The following TSHZ3 variants were observed in gnomAD, a reference collection of about 807,000 sequenced individuals.
TSHZ3 encodes teashirt zinc finger homeobox 3.
Under a neutral mutation model 64.5 loss-of-function variants are expected in TSHZ3, and 10 were observed. That is an observed-to-expected ratio of 0.16 (90% confidence interval 0.10 to 0.26). The LOEUF (loss-of-function observed/expected upper bound fraction) is 0.26. TSHZ3 is among the 10% of genes least tolerant of loss of function. TSHZ3 has a pLI of 1.00. For missense variants in TSHZ3, 1,242 were observed against 1,421.7 expected (o/e 0.87, Z 2.03); for synonymous variants, 608 against 593.1 (o/e 1.03, Z -0.36).
At chr19:31,274,004 A>G (rs1286573899), downstream of TSHZ3, among the ~76,000 whole-genome samples, 1 of 152,220 alleles carries the variant, frequency 6.6e-6, no homozygotes, top group Non-Finnish European at 1.5e-5. Flanking sequence ...GAAAGATGGA[A>G]TGCCGAGAGA....
intron 1 of TSHZ3, among the ~76,000 whole-genome samples, chr19:31,292,990 CAAAA>C (rs1976597851): frequency 6.7e-6 from 1 of 149,828 alleles, no homozygotes; most frequent in East Asian, 2.0e-4. Context: ...TCCATCCATT[CAAAA>C]ATTCATCCAT....
At chr19:31,163,386 G>C (rs925093122) in intron 5 of TSHZ3, among the ~76,000 whole-genome samples, 2 of 152,158 alleles carry the variant, frequency 1.3e-5, no homozygotes, top group African/African-American at 4.8e-5. Context: ...GGAGAATAGA[G>C]AGGCATGACA....
intron 1 of TSHZ3, among the ~76,000 whole-genome samples, chr19:31,307,421 T>C (rs188752852): frequency 3.3e-5 from 5 of 152,006 alleles, no homozygotes; most frequent in African/African-American, 2.4e-5. Flanking sequence ...TGTCAAGAAA[T>C]GCAGGAGTGA....
chr19:31,211,576 C>T (rs116216503), intron 4 of TSHZ3, among the ~76,000 whole-genome samples: 1 of 152,122 alleles, frequency 6.6e-6, no homozygotes, highest in Non-Finnish European at 1.5e-5. Context: ...AGCAAGGACA[C>T]AGAGGAAGGA....
intron 1 of TSHZ3, among the ~76,000 whole-genome samples, chr19:31,244,746 T>A (rs1427336990): frequency 6.6e-6 from 1 of 152,108 alleles, no homozygotes. Context: ...CGGGTTCAAG[T>A]GATGCTCCCA....
At chr19:31,299,764 G>C (rs1302673345) in intron 1 of TSHZ3, among the ~76,000 whole-genome samples, 1 of 152,146 alleles carries the variant, frequency 6.6e-6, no homozygotes, top group African/African-American at 2.4e-5. Context: ...AAATTACTTC[G>C]GGGGTCTCTC....
intron 1 of TSHZ3, 89 bp downstream of exon 1, chr19:31,349,091 G>A: frequency 6.8e-7 from 1 of 1,477,294 alleles, no homozygotes; most frequent in Admixed American, 2.1e-5. Flanking sequence ...AGAAGAGCGG[G>A]GCGAGGAGCG....
intron 5 of TSHZ3, among the ~76,000 whole-genome samples, chr19:31,183,958 C>A (rs1006841471): frequency 1.5e-4 from 23 of 152,122 alleles, no homozygotes; most frequent in African/African-American, 4.8e-4. Context: ...CAATGTGTCT[C>A]CCCGGCATTC....
chr19:31,228,424 G>T (rs1439823987), intron 3 of TSHZ3, among the ~76,000 whole-genome samples: 1 of 151,530 alleles, frequency 6.6e-6, no homozygotes, highest in African/African-American at 2.4e-5. Context: ...TACTCCAGAG[G>T]CTGAGGGGGG....
chr19:31,247,795 G>A (rs1975776664), intron 1 of TSHZ3, among the ~76,000 whole-genome samples: 1 of 152,136 alleles, frequency 6.6e-6, no homozygotes, highest in South Asian at 2.1e-4. Flanking sequence ...AGAGCATCAG[G>A]TCTGCAGTTA....
chr19:31,332,030 G>A (rs948669089), intron 1 of TSHZ3, among the ~76,000 whole-genome samples: 1 of 152,110 alleles, frequency 6.6e-6, no homozygotes, highest in African/African-American at 2.4e-5. Flanking sequence ...CCCTCTAACT[G>A]AGTCTCCAAA....
chr19:31,345,721 C>A (rs1917571856), intron 1 of TSHZ3, among the ~76,000 whole-genome samples: 1 of 151,546 alleles, frequency 6.6e-6, no homozygotes, highest in Non-Finnish European at 1.5e-5. Flanking sequence ...AAGAAATGGT[C>A]TTTTATGATT....
At chr19:31,268,492 G>A (rs13346530) in intron 1 of TSHZ3, among the ~76,000 whole-genome samples, 4 of 152,254 alleles carry the variant, frequency 2.6e-5, no homozygotes, top group African/African-American at 7.2e-5. Flanking sequence ...TGGATGCTCC[G>A]TGTTTCTAAA....
chr19:31,224,379 G>C (rs1232088150), intron 4 of TSHZ3, among the ~76,000 whole-genome samples: 2 of 152,156 alleles, frequency 1.3e-5, no homozygotes, highest in African/African-American at 4.8e-5. Context: ...CTGTGTCATT[G>C]GCTGTGTAAT....
chr19:31,295,571 C>A (rs1021320564), intron 1 of TSHZ3, among the ~76,000 whole-genome samples: 1 of 152,110 alleles, frequency 6.6e-6, no homozygotes, highest in African/African-American at 2.4e-5. Context: ...AGGCAAAGCT[C>A]ACCTGTGGTG....
intron 4 of TSHZ3, among the ~76,000 whole-genome samples, chr19:31,206,789 G>GGTGACA (rs1393900713): frequency 6.6e-6 from 1 of 152,098 alleles, no homozygotes; most frequent in Non-Finnish European, 1.5e-5. Context: ...ATGGCTATAG[G>GGTGACA]GTGACAGAAT....
At chr19:31,187,243 A>G (rs1359075261) in intron 5 of TSHZ3, among the ~76,000 whole-genome samples, 14 of 152,164 alleles carry the variant, frequency 9.2e-5, no homozygotes, top group Non-Finnish European at 1.5e-5. Context: ...AATAAACAGA[A>G]CACCATATAA....
chr19:31,179,998 G>C (rs1233078043), intron 5 of TSHZ3, among the ~76,000 whole-genome samples: 1 of 152,172 alleles, frequency 6.6e-6, no homozygotes, highest in Non-Finnish European at 1.5e-5. Flanking sequence ...CAGCCTAACT[G>C]TCAGAGCTGG....
chr19:31,308,719 G>C (rs1305846051), intron 1 of TSHZ3: 1 of 398,696 alleles, frequency 2.5e-6, no homozygotes, highest in Non-Finnish European at 4.4e-6. Flanking sequence ...TCTGGAAAGA[G>C]AGAAAAACAG....
Sources: allele counts gnomAD v4.1 joint callset (sites outside exome capture counted in the v4.1 genomes callset), GRCh38; gene constraint gnomAD v4.1.1; transcripts MANE v1.5; gene names NCBI Gene and HGNC (gene_info 2026-07-23, HGNC 2026-07-21).